The following CCDC150 variants were observed in gnomAD, a reference collection of about 807,000 sequenced individuals.
The protein encoded by CCDC150 is coiled-coil domain-containing protein 150.
In CCDC150, 151 loss-of-function variants were observed where a neutral mutation model predicts 156.5. The observed-to-expected ratio is 0.97, with a 90% CI of 0.85 to 1.10. The LOEUF is 1.10. CCDC150 is among the 50% of genes least tolerant of loss of function. The pLI is 0.00. For synonymous variants in CCDC150, 452 were observed against 429.4 expected (o/e 1.05, Z -0.65); for missense variants, 1,312 against 1,268.1 (o/e 1.03, Z -0.53).
intron 8 of CCDC150, among the ~76,000 whole-genome samples, chr2:196,672,095 A>T (rs1354597408): frequency 6.6e-6 from 1 of 152,162 alleles, no homozygotes; most frequent in Non-Finnish European, 1.5e-5. Flanking sequence ...TGGCCATTGT[A>T]ATAGGTGTGT....
intron 5 of CCDC150, among the ~76,000 whole-genome samples, chr2:196,664,633 A>T (rs1693737326): frequency 6.6e-6 from 1 of 152,134 alleles, no homozygotes; most frequent in African/African-American, 2.4e-5. Context: ...TGATTAAATC[A>T]TTGGCCATTG....
chr2:196,680,931 T>C (rs569902439), intron 13 of CCDC150, among the ~76,000 whole-genome samples: 46 of 152,340 alleles, frequency 3.0e-4, no homozygotes, highest in African/African-American at 1.1e-3. Flanking sequence ...GTGTGAAATA[T>C]CTCACTGTGG....
intron 19 of CCDC150, 122 bp from the exon 20 acceptor site, chr2:196,720,453 G>A: frequency 1.5e-6 from 1 of 687,168 alleles, no homozygotes; most frequent in South Asian, 2.0e-5. Flanking sequence ...ATATTTACTA[G>A]TGATATATAA....
chr2:196,712,493 T>G (rs1697196146), intron 16 of CCDC150, 184 bp from the exon 17 acceptor site: 5 of 596,778 alleles, frequency 8.4e-6, no homozygotes, highest in Non-Finnish European at 1.5e-5. Context: ...AGTTAGGAAA[T>G]GTACTCCATA....
intron 7 of CCDC150, among the ~76,000 whole-genome samples, chr2:196,669,147 C>T (rs969988860): frequency 3.9e-5 from 6 of 152,122 alleles, no homozygotes; most frequent in African/African-American, 1.4e-4. Context: ...TTTTTCTGTA[C>T]AAAATCATCC....
At chr2:196,649,062 C>T (rs1056790645) in intron 2 of CCDC150, among the ~76,000 whole-genome samples, 1 of 152,128 alleles carries the variant, frequency 6.6e-6, no homozygotes, top group African/African-American at 2.4e-5. Flanking sequence ...TTGAAATTAG[C>T]TAATGCAATG....
rs1474984231 is a variant in CCDC150 at position 196,729,340 on chromosome 2, C to T, written c.2704C>T (p.His902Tyr). The T allele has an allele frequency of 1.9e-6, 3 of 1,613,644 alleles. No homozygotes were observed. The highest frequency in any genetic ancestry group is 3.3e-5 in the Admixed American group (2 of 59,976). The change falls in exon 23 of 28, where the codon CAC (histidine) becomes TAC (tyrosine). Residue 902 changes from histidine (H) to tyrosine (Y), a missense_variant. By Grantham distance (83) the His-to-Tyr change is moderately conservative (BLOSUM62 2). Coordinates refer to ENST00000389175, the MANE Select transcript of CCDC150 (RefSeq NM_001080539.2). Reference protein sequence around the residue: ...IKNQKTQIKLHLSAKANNAQN... With the variant: ...IKNQKTQIKLYLSAKANNAQN... Reference sequence around the variant, plus strand: ...GAATCAAAAGACCCAAATTAAGCTCCACTTGTCAGCTAAGGCGAATAATGC... The same window carrying T: ...GAATCAAAAGACCCAAATTAAGCTCTACTTGTCAGCTAAGGCGAATAATGC...
chr2:196,642,650 T>C (rs1431752493), intron 1 of CCDC150, among the ~76,000 whole-genome samples: 1 of 152,118 alleles, frequency 6.6e-6, no homozygotes, highest in Non-Finnish European at 1.5e-5. Context: ...ACCTTGGCAT[T>C]GTTTGGTTTT....
intron 13 of CCDC150, among the ~76,000 whole-genome samples, chr2:196,691,295 TTTG>T (rs1418721360): frequency 6.6e-6 from 1 of 152,202 alleles, no homozygotes; most frequent in Non-Finnish European, 1.5e-5. Context: ...CCAGCTCTTC[TTTG>T]TACCTGTGAT....
intron 2 of CCDC150, among the ~76,000 whole-genome samples, chr2:196,649,851 T>C (rs1004189185): frequency 6.6e-6 from 1 of 152,254 alleles, no homozygotes; most frequent in Non-Finnish European, 1.5e-5. Flanking sequence ...TGATTTTGTA[T>C]CCTGCAACTT....
intron 15 of CCDC150, among the ~76,000 whole-genome samples, chr2:196,707,488 G>GT (rs1559261290): frequency 6.6e-6 from 1 of 151,960 alleles, no homozygotes; most frequent in Admixed American, 6.6e-5. Context: ...TTTTTGAAGG[G>GT]TTTTTTGTGT....
chr2:196,698,750 T>C (rs753471883), intron 14 of CCDC150, among the ~76,000 whole-genome samples: 2 of 152,222 alleles, frequency 1.3e-5, no homozygotes, highest in Non-Finnish European at 2.9e-5. Flanking sequence ...GCAAGTTTGT[T>C]ATATATGTAT....
At chr2:196,660,356 G>A (rs1693489856) in intron 5 of CCDC150, among the ~76,000 whole-genome samples, 1 of 152,146 alleles carries the variant, frequency 6.6e-6, no homozygotes, top group Admixed American at 6.5e-5. Flanking sequence ...TGGTTCATCT[G>A]GTAAGCCTAT....
At chr2:196,641,028 T>C (rs765104423) in intron 1 of CCDC150, among the ~76,000 whole-genome samples, 3 of 152,166 alleles carry the variant, frequency 2.0e-5, no homozygotes, top group African/African-American at 7.2e-5. Flanking sequence ...AGTGCAGCAG[T>C]CTCAGCTCAC....
intron 22 of CCDC150, chr2:196,727,515 A>T (rs1698277089): frequency 6.6e-6 from 1 of 152,252 alleles, no homozygotes; most frequent in African/African-American, 2.4e-5. Context: ...GTGTTTCACC[A>T]AATTTGTTAC....
chr2:196,709,511 TA>T (rs1228553125), intron 15 of CCDC150, among the ~76,000 whole-genome samples: 1 of 152,210 alleles, frequency 6.6e-6, no homozygotes, highest in African/African-American at 2.4e-5. Context: ...TTCTGTCAGG[TA>T]GTCAAAGTCA....
At chr2:196,725,109 G>A (rs1698136259) in intron 21 of CCDC150, among the ~76,000 whole-genome samples, 1 of 152,106 alleles carries the variant, frequency 6.6e-6, no homozygotes, top group Non-Finnish European at 1.5e-5. Context: ...TGGAGAACAT[G>A]GATATATTAT....
At chr2:196,716,610 G>A (rs1483218661) in intron 17 of CCDC150, among the ~76,000 whole-genome samples, 1 of 152,154 alleles carries the variant, frequency 6.6e-6, no homozygotes, top group Admixed American at 6.5e-5. Flanking sequence ...TGTGGGAATA[G>A]AGAGAGACAG....
intron 2 of CCDC150, among the ~76,000 whole-genome samples, chr2:196,649,216 C>A (rs945616898): frequency 1.1e-4 from 17 of 152,100 alleles, no homozygotes; most frequent in African/African-American, 3.9e-4. Flanking sequence ...CTGTAGATGG[C>A]TTTGGGTAGT....
Sources: gnomAD v4.1 joint callset for allele counts (sites outside exome capture counted in the v4.1 genomes callset) on GRCh38, gnomAD v4.1.1 for gene constraint, MANE v1.5 for transcripts, NCBI Gene and HGNC (gene_info 2026-07-23, HGNC 2026-07-21) for gene names.